The following PDE8A variants were observed in gnomAD, a reference collection of about 807,000 sequenced individuals.
PDE8A encodes the protein phosphodiesterase 8A.
In PDE8A, 59 loss-of-function variants were observed where a neutral mutation model predicts 105.0. The ratio of observed to expected loss-of-function variants is 0.56; its 90% confidence interval spans 0.46 to 0.70. The LOEUF is 0.70. PDE8A is among the 30% of genes least tolerant of loss of function. The probability of loss-of-function intolerance (pLI) is 0.00; values close to 1 mark genes in which losing one functional copy is unlikely to be tolerated. For missense variants in PDE8A, 1,014 were observed against 1,045.9 expected, an observed-to-expected ratio of 0.97 and a Z score of 0.42; for synonymous variants, 355 against 371.9, an observed-to-expected ratio of 0.95 and a Z score of 0.52.
chr15:85,069,099 T>G (rs956417745), intron 3 of PDE8A, among the ~76,000 whole-genome samples: 1 of 152,152 alleles, frequency 6.6e-6, no homozygotes, highest in Non-Finnish European at 1.5e-5. Context: ...GCTGAAATAT[T>G]TCAATGAAAA....
intron 7 of PDE8A, 154 bp from the exon 8 acceptor site, chr15:85,090,890 G>A: frequency 2.9e-6 from 2 of 695,286 alleles, no homozygotes; most frequent in South Asian, 1.6e-5. Context: ...CGTGGGTTAT[G>A]TGCTTATGGC....
chr15:85,084,634 T>C (rs1232285983), intron 6 of PDE8A, among the ~76,000 whole-genome samples: 1 of 152,202 alleles, frequency 6.6e-6, no homozygotes, highest in Non-Finnish European at 1.5e-5. Context: ...TTGGAGCTTA[T>C]TTTATCCAAT....
chr15:85,085,763 T>A (rs1292906846), intron 6 of PDE8A, among the ~76,000 whole-genome samples: 1 of 151,128 alleles, frequency 6.6e-6, no homozygotes, highest in African/African-American at 2.4e-5. Context: ...ATCTCTGCAC[T>A]TTGGGAGGCT....
At chr15:85,115,566 A>C in intron 15 of PDE8A, 79 bp downstream of exon 15, 1 of 731,126 alleles carries the variant, frequency 1.4e-6, no homozygotes. Flanking sequence ...ATAATTTTTC[A>C]CCTCATTAAG....
chr15:85,012,907 C>T (rs895768033), intron 1 of PDE8A, among the ~76,000 whole-genome samples: 6 of 152,146 alleles, frequency 3.9e-5, no homozygotes, highest in African/African-American at 1.4e-4. Context: ...TATAATCACC[C>T]TCTTACTTTG....
intron 19 of PDE8A, 54 bp from the exon 20 acceptor site, chr15:85,126,153 G>A: frequency 1.5e-6 from 2 of 1,356,170 alleles, no homozygotes; most frequent in Non-Finnish European, 2.0e-6. Flanking sequence ...AGTAAGAGAG[G>A]GCTTGGCACC....
chr15:85,133,044 A>T (rs1471972895), intron 20 of PDE8A, among the ~76,000 whole-genome samples: 1 of 152,190 alleles, frequency 6.6e-6, no homozygotes, highest in African/African-American at 2.4e-5. Context: ...CTAGTCTTTG[A>T]AAACTGTCTC....
intron 1 of PDE8A, among the ~76,000 whole-genome samples, chr15:85,050,629 C>G (rs138413152): frequency 7.7e-4 from 117 of 152,276 alleles, no homozygotes; most frequent in African/African-American, 2.7e-3. Flanking sequence ...ACCCTATACA[C>G]AAGGGTTTAT....
chr15:85,050,317 G>A (rs1764216658), intron 1 of PDE8A, among the ~76,000 whole-genome samples: 1 of 152,010 alleles, frequency 6.6e-6, no homozygotes, highest in Admixed American at 6.6e-5. Flanking sequence ...TTAAAATTTT[G>A]ATGAAGTTTA....
chr15:85,105,972 C>T (rs1173115167), intron 11 of PDE8A, among the ~76,000 whole-genome samples: 3 of 152,068 alleles, frequency 2.0e-5, no homozygotes, highest in East Asian at 1.9e-4. Flanking sequence ...ACCCACTGGG[C>T]GAAAATTGCT....
intron 3 of PDE8A, among the ~76,000 whole-genome samples, chr15:85,072,937 A>G (rs2081333107): frequency 6.6e-6 from 1 of 151,312 alleles, no homozygotes. Flanking sequence ...ACATGGTGAA[A>G]CCCTATCTTT....
intron 15 of PDE8A, 49 bp from the exon 16 acceptor site, chr15:85,115,935 A>G: frequency 6.6e-7 from 1 of 1,521,296 alleles, no homozygotes; most frequent in Non-Finnish European, 9.0e-7. Flanking sequence ...AAAAAAAAAA[A>G]GTTAATCCTT....
intron 1 of PDE8A, among the ~76,000 whole-genome samples, chr15:85,018,536 C>T (rs1342012495): frequency 1.3e-5 from 2 of 152,068 alleles, no homozygotes; most frequent in Non-Finnish European, 2.9e-5. Flanking sequence ...GATGGTTAAC[C>T]CTCACATCAT....
chr15:85,130,407 G>C (rs1200398647), intron 20 of PDE8A, among the ~76,000 whole-genome samples: 4 of 152,016 alleles, frequency 2.6e-5, no homozygotes, highest in Non-Finnish European at 5.9e-5. Context: ...CTGAGTTTTG[G>C]TTCATTTCAC....
chr15:85,048,283 G>C (rs971959582), intron 1 of PDE8A, among the ~76,000 whole-genome samples: 1 of 151,348 alleles, frequency 6.6e-6, no homozygotes, highest in Non-Finnish European at 1.5e-5. Context: ...ATATTTTAAG[G>C]GTTTTTTTCT....
intron 21 of PDE8A, among the ~76,000 whole-genome samples, chr15:85,137,321 A>G (rs1377543710): frequency 1.5e-4 from 23 of 152,192 alleles, no homozygotes; most frequent in Admixed American, 1.5e-3. Context: ...TCTGCAGCTC[A>G]CTGCTTCTGG....
At chr15:85,093,416 G>C (rs919981099) in intron 8 of PDE8A, among the ~76,000 whole-genome samples, 1 of 152,202 alleles carries the variant, frequency 6.6e-6, no homozygotes, top group Non-Finnish European at 1.5e-5. Flanking sequence ...GGGTCAGCAG[G>C]CCTTATGGAA....
intron 1 of PDE8A, among the ~76,000 whole-genome samples, chr15:85,004,025 C>T (rs2080106732): frequency 6.6e-6 from 1 of 152,216 alleles, no homozygotes; most frequent in Non-Finnish European, 1.5e-5. Flanking sequence ...TGGTCCATGT[C>T]AGATTACTTA....
intron 6 of PDE8A, among the ~76,000 whole-genome samples, chr15:85,088,920 G>C (rs2081596089): frequency 6.6e-6 from 1 of 152,180 alleles, no homozygotes; most frequent in Non-Finnish European, 1.5e-5. Context: ...TAAAATAATA[G>C]GTAGAAATGA....
Sources: gnomAD v4.1 joint callset for allele counts (sites outside exome capture counted in the v4.1 genomes callset) on GRCh38, gnomAD v4.1.1 for gene constraint, MANE v1.5 for transcripts, NCBI Gene and HGNC (gene_info 2026-07-23, HGNC 2026-07-21) for gene names.